MYO3B: variants seen among roughly 807,000 people sequenced by gnomAD.
The protein encoded by MYO3B is myosin-IIIb.
MYO3B carries 156 observed loss-of-function variants against 174.6 expected under a neutral mutation model. The observed-to-expected ratio is 0.89, with a 90% CI of 0.78 to 1.02. The LOEUF is 1.02. Ranked by LOEUF, MYO3B falls within the 50% of genes least tolerant of loss-of-function variation. MYO3B has a pLI of 0.00. For missense variants in MYO3B, 1,632 were observed against 1,639.4 expected (o/e 1.00, Z 0.08); for synonymous variants, 563 against 569.1 (o/e 0.99, Z 0.15).
At chr2:170,187,820 T>C (rs2092485446) in intron 1 of MYO3B, among the ~76,000 whole-genome samples, 1 of 152,212 alleles carries the variant, frequency 6.6e-6, no homozygotes, top group African/African-American at 2.4e-5. Flanking sequence ...TAATCCGTCA[T>C]GGTTGGAGAA....
intron 8 of MYO3B, chr2:170,346,529 C>G (rs979264903): frequency 6.6e-6 from 1 of 152,050 alleles, no homozygotes; most frequent in Non-Finnish European, 1.5e-5. Context: ...AATATGAAAC[C>G]ATAAAACCAT....
chr2:170,648,604 CAGAATG>C (rs1334412668), intron 32 of MYO3B, among the ~76,000 whole-genome samples: 1 of 112,384 alleles, frequency 8.9e-6, no homozygotes, highest in African/African-American at 3.0e-5. Flanking sequence ...GCCTGGGTGA[CAGAATG>C]AGACTCTGTC....
At chr2:170,242,288 AAC>A (rs2093142918) in intron 7 of MYO3B, among the ~76,000 whole-genome samples, 2 of 152,212 alleles carry the variant, frequency 1.3e-5, no homozygotes. Context: ...CCAATAGAAA[AAC>A]AGTTATGTTT....
chr2:170,400,828 T>TG (rs1553482831), intron 17 of MYO3B, among the ~76,000 whole-genome samples: 23 of 151,056 alleles, frequency 1.5e-4, no homozygotes, highest in African/African-American at 4.1e-4. Context: ...TTTTGAGCAG[T>TG]GTTTTTTTCT....
At chr2:170,557,670 G>C (rs1345565821) in intron 32 of MYO3B, among the ~76,000 whole-genome samples, 2 of 152,164 alleles carry the variant, frequency 1.3e-5, no homozygotes, top group African/African-American at 2.4e-5. Context: ...TATATTCTGA[G>C]AGAGATGGAC....
chr2:170,442,949 G>T (rs1559005655), intron 22 of MYO3B, among the ~76,000 whole-genome samples: 1 of 152,110 alleles, frequency 6.6e-6, no homozygotes, highest in Non-Finnish European at 1.5e-5. Context: ...TGTGAATAGT[G>T]CCGCAATAAA....
chr2:170,400,825 C>T (rs2094471025), intron 17 of MYO3B, among the ~76,000 whole-genome samples: 1 of 150,182 alleles, frequency 6.7e-6, no homozygotes, highest in South Asian at 2.1e-4. Context: ...TAATTTTGAG[C>T]AGTGTTTTTT....
At position 170,653,160 on chromosome 2, in the gene MYO3B, C is replaced by T; in HGVS notation, c.*39C>T. The T allele has an allele frequency of 6.2e-7, 1 of 1,611,332 alleles. No homozygotes were observed. Among genetic ancestry groups the T allele is most frequent in the Non-Finnish European group, 8.5e-7 (1 of 1,177,800 alleles). ...ACCCTAAATCTGTCCAGAGTAGGAA[C>T]ATTCATGGTAATCGACTGTCTGTCA... On this transcript the variant is annotated 3_prime_UTR_variant, in exon 35 of 35. Transcript: ENST00000408978.
At chr2:170,407,915 G>A in intron 22 of MYO3B, 71 bp downstream of exon 22, 4 of 1,579,714 alleles carry the variant, frequency 2.5e-6, no homozygotes, top group Middle Eastern at 3.4e-4. Flanking sequence ...TCCAGTTAGT[G>A]TCTGAATACT....
intron 32 of MYO3B, among the ~76,000 whole-genome samples, chr2:170,572,289 G>A (rs889984355): frequency 1.3e-5 from 2 of 152,078 alleles, no homozygotes; most frequent in African/African-American, 4.8e-5. Context: ...TTAGCTGGGT[G>A]TGGTGGCGGG....
At chr2:170,397,601 G>A (rs567519418) in intron 16 of MYO3B, among the ~76,000 whole-genome samples, 9 of 152,058 alleles carry the variant, frequency 5.9e-5, no homozygotes, top group Non-Finnish European at 8.8e-5. Context: ...TTAGATAATC[G>A]GAACCGTTTT....
intron 32 of MYO3B, chr2:170,601,710 CT>C (rs1026367407): frequency 9.7e-5 from 149 of 1,538,648 alleles, no homozygotes; most frequent in Non-Finnish European, 1.2e-4. Context: ...TGACAACTCC[CT>C]TTTTTGCTGC....
intron 25 of MYO3B, among the ~76,000 whole-genome samples, chr2:170,476,934 G>C (rs763835232): frequency 6.6e-5 from 10 of 152,044 alleles, no homozygotes; most frequent in Non-Finnish European, 1.2e-4. Context: ...TGCCATCCTA[G>C]ACACAGACAT....
intron 9 of MYO3B, among the ~76,000 whole-genome samples, chr2:170,372,287 C>T (rs1162785498): frequency 2.0e-5 from 3 of 152,058 alleles, no homozygotes; most frequent in Non-Finnish European, 4.4e-5. Flanking sequence ...TGAGTCAATA[C>T]ATGTAAAATG....
intron 30 of MYO3B, among the ~76,000 whole-genome samples, chr2:170,524,315 T>C (rs185373452): frequency 7.9e-5 from 12 of 152,288 alleles, no homozygotes; most frequent in Non-Finnish European, 1.5e-5. Context: ...TGGTTTCAGA[T>C]CTACCTACAC....
At chr2:170,302,361 C>T (rs1011152444) in intron 7 of MYO3B, among the ~76,000 whole-genome samples, 2 of 152,156 alleles carry the variant, frequency 1.3e-5, no homozygotes, top group African/African-American at 4.8e-5. Context: ...AGCAATATTG[C>T]ATGGAAGTAC....
chr2:170,598,979 C>G (rs145264539), intron 32 of MYO3B, among the ~76,000 whole-genome samples: 6 of 152,306 alleles, frequency 3.9e-5, no homozygotes, highest in Non-Finnish European at 7.4e-5. Flanking sequence ...TTTCATGCCT[C>G]TGTTTAAATT....
chr2:170,651,834 CCTCATG>C, intron 33 of MYO3B, 100 bp downstream of exon 33: 2 of 930,718 alleles, frequency 2.1e-6, no homozygotes, highest in Non-Finnish European at 3.4e-6. Flanking sequence ...CCACCCCCAC[CCTCATG>C]CTCTCGTCTT....
intron 7 of MYO3B, among the ~76,000 whole-genome samples, chr2:170,255,835 G>A (rs766759170): frequency 6.6e-6 from 1 of 152,200 alleles, no homozygotes; most frequent in African/African-American, 2.4e-5. Context: ...CATAGAATTA[G>A]GAATCTGGAT....
Sources: allele counts gnomAD v4.1 joint callset (sites outside exome capture counted in the v4.1 genomes callset), GRCh38; gene constraint gnomAD v4.1.1; transcripts MANE v1.5; gene names NCBI Gene and HGNC (gene_info 2026-07-23, HGNC 2026-07-21).